The following PLOD1 variants were observed in gnomAD, a reference collection of about 807,000 sequenced individuals.
PLOD1 encodes the protein procollagen-lysine,2-oxoglutarate 5-dioxygenase 1.
Under a neutral mutation model 94.7 loss-of-function variants are expected in PLOD1, and 70 were observed. The ratio of observed to expected loss-of-function variants is 0.74; its 90% CI spans 0.61 to 0.90. The LOEUF (loss-of-function observed/expected upper bound fraction) is 0.90. Among genes scored for constraint, PLOD1 ranks in the 40% least tolerant of loss-of-function variants. The probability of loss-of-function intolerance (pLI) is 0.00; values close to 1 mark genes in which losing one functional copy is unlikely to be tolerated. For synonymous variants in PLOD1, 417 were observed against 400.2 expected (o/e 1.04, Z -0.50); for missense variants, 905 against 972.7 (o/e 0.93, Z 0.93).
At position 11,974,725 on chromosome 1, in the gene PLOD1, C is replaced by T. The variant is rs940721013; in HGVS notation, c.2101C>T (p.Pro701Ser). Reference sequence around the variant, plus strand: ...AAGGAAGGGCTGGACCCTCATGCACCCTGGACGACTCACGCATTACCATGA... The same window carrying T: ...AAGGAAGGGCTGGACCCTCATGCACTCTGGACGACTCACGCATTACCATGA... ...APRKGWTLMH[P>S]GRLTHYHEGL... The change falls in exon 19 of 19, where the codon CCT becomes TCT. Residue 701 changes from proline (P) to serine (S), a missense_variant. Transcript: ENST00000196061. 6.2e-7 allele frequency: 1 copy of T among 1,613,828 alleles called. No individual in the cohort carries two copies. Among genetic ancestry groups the T allele is most frequent in the Non-Finnish European group, 8.5e-7 (1 of 1,179,746 alleles).
intron 1 of PLOD1, among the ~76,000 whole-genome samples, chr1:11,938,700 C>CT (rs1282446579): frequency 6.6e-6 from 1 of 151,960 alleles, no homozygotes; most frequent in East Asian, 1.9e-4. Context: ...GCTGTGGAGT[C>CT]TCGGGGAGTG....
rs796969636 is a variant in PLOD1, at chr1:11,959,618, ATT to A, written c.975+987_975+988del. Reference sequence around the variant, plus strand: ...CCATCACAACTGGCTAATTTTTTGTATTTTTTTTTTTTTTTTTGAGACGGAGT... The same window carrying A: ...CCATCACAACTGGCTAATTTTTTGTATTTTTTTTTTTTTTTGAGACGGAGT... On this transcript the variant is annotated intron_variant, in intron 9 of 18. Transcript: ENST00000196061. Among the ~76,000 whole-genome samples, 74 of 93,068 alleles carry A rather than the reference ATT, an allele frequency of 8.0e-4. 2 individuals are homozygous for A. The highest frequency in any genetic ancestry group is 7.4e-3 in the Middle Eastern group (1 of 136). The allele number at this position is 93,068 out of a possible 152,430, so 61.1% of individuals were successfully genotyped here. A position where few individuals can be genotyped will look rare whatever the true frequency, so the allele number is the denominator to read the frequency against.
At chr1:11,939,423 T>C (rs1234998057) in intron 1 of PLOD1, among the ~76,000 whole-genome samples, 3 of 152,064 alleles carry the variant, frequency 2.0e-5, no homozygotes, top group African/African-American at 7.2e-5. Flanking sequence ...AGACTGGGTG[T>C]GTCATGACTG....
At chr1:11,961,459 T>C (rs1287722993) in intron 10 of PLOD1, among the ~76,000 whole-genome samples, 1 of 152,224 alleles carries the variant, frequency 6.6e-6, no homozygotes, top group Non-Finnish European at 1.5e-5. Flanking sequence ...GATCAAAGGT[T>C]GGCAAACTTC....
chr1:11,959,935 T>C (rs1349098733), intron 9 of PLOD1, among the ~76,000 whole-genome samples: 1 of 149,284 alleles, frequency 6.7e-6, no homozygotes, highest in African/African-American at 2.5e-5. Flanking sequence ...TTTTTCCTTT[T>C]TTTTTTTTTT....
Position 11,957,041 on chromosome 1 carries a change from T to C in PLOD1, c.741+27T>C. ...TAGGGGGTCCCCAGCCCCTGGGGAG[T>C]GTGGGAGGGGGCCAGAGCCCTAATT... On this transcript the variant is annotated intron_variant, in intron 7 of 18. Transcript: ENST00000196061. The surrounding 1 kb of genome is among the most constrained non-coding windows in gnomAD (Gnocchi z 4.1). 1 of 1,419,834 alleles carries C rather than the reference T, an allele frequency of 7.0e-7. No homozygotes were observed. Among genetic ancestry groups the C allele is most frequent in the Non-Finnish European group, 1.0e-6 (1 of 1,003,122 alleles). 88.0% of individuals were successfully genotyped at this position (1,419,834 alleles called of 1,614,324 possible).
intron 6 of PLOD1, 127 bp downstream of exon 6, chr1:11,955,020 C>A: frequency 1.4e-6 from 1 of 734,816 alleles, no homozygotes. Context: ...AGGTCACTGG[C>A]CTCATCCCCA....
intron 10 of PLOD1, among the ~76,000 whole-genome samples, chr1:11,962,608 A>G (rs983315896): frequency 4.6e-5 from 7 of 152,188 alleles, no homozygotes; most frequent in African/African-American, 7.2e-5. Context: ...ACTTAAAAAC[A>G]TAAAATCAGC....
intron 15 of PLOD1, among the ~76,000 whole-genome samples, chr1:11,966,627 G>A (rs947999652): frequency 6.6e-6 from 1 of 152,102 alleles, no homozygotes; most frequent in Non-Finnish European, 1.5e-5. Context: ...CAGGAAGGAG[G>A]AAAACATCCT....
intron 16 of PLOD1, among the ~76,000 whole-genome samples, chr1:11,968,277 A>T (rs1047205969): frequency 6.6e-6 from 1 of 150,994 alleles, no homozygotes; most frequent in South Asian, 2.1e-4. Flanking sequence ...TATTTTATTT[A>T]TTTTTTTTAT....
rs764003497 is a variant in PLOD1, at chr1:11,964,681, T to G, written c.1366T>G (p.Leu456Val). 2.5e-6 allele frequency: 4 copies of G among 1,613,364 alleles called. No homozygotes were observed. Among genetic ancestry groups the G allele is most frequent in the Non-Finnish European group, 3.4e-6 (4 of 1,179,946 alleles). ...WNVPYISNIY[L>V]IKGSALRGEL... The stretch of plus-strand genomic sequence containing the variant: ...TGTGCCCTATATTTCAAACATCTAC[T>G]TGATCAAGGGCAGTGCCCTGCGGGG... Residue 456 changes from leucine (L) to valine (V), a missense_variant, in exon 13 of 19, where the codon TTG becomes GTG. Leu to Val is a conservative substitution (Grantham distance 32). Transcript: ENST00000196061.
chr1:11,944,407 T>A, intron 1 of PLOD1: 1 of 429,280 alleles, frequency 2.3e-6, no homozygotes, highest in Non-Finnish European at 3.9e-6. Flanking sequence ...GAATCCTGAA[T>A]TGCGCATGCA....
At chr1:11,954,635 G>A (rs1557489853) in intron 5 of PLOD1, 195 bp from the exon 6 acceptor site, 3 of 770,424 alleles carry the variant, frequency 3.9e-6, no homozygotes, top group East Asian at 4.9e-5. Flanking sequence ...TGTGAGTAGA[G>A]CCACTAGACT....
At chr1:11,942,830 C>T (rs1347900041) in intron 1 of PLOD1, among the ~76,000 whole-genome samples, 2 of 152,236 alleles carry the variant, frequency 1.3e-5, no homozygotes, top group Admixed American at 1.3e-4. Flanking sequence ...GCCCTGGGGC[C>T]TAGGAGCCTG....
intron 16 of PLOD1, among the ~76,000 whole-genome samples, chr1:11,969,708 AG>A (rs1455115475): frequency 1.3e-5 from 2 of 152,218 alleles, no homozygotes; most frequent in African/African-American, 4.8e-5. Context: ...TCTGAGGCCC[AG>A]GATTCCATTC....
chr1:11,943,388 C>T (rs1194565589), intron 1 of PLOD1, among the ~76,000 whole-genome samples: 1 of 151,988 alleles, frequency 6.6e-6, no homozygotes, highest in East Asian at 1.9e-4. Context: ...CCGCCACCTC[C>T]CGGGTTCAAG....
At chr1:11,944,423 A>G in intron 1 of PLOD1, 1 of 148,408 alleles carries the variant, frequency 6.7e-6, no homozygotes, top group South Asian at 4.4e-5. Flanking sequence ...ATGCACGCGT[A>G]CACACACACA....
At chr1:11,944,686 AC>A (rs1378520237) in intron 1 of PLOD1, 1 of 1,310,968 alleles carries the variant, frequency 7.6e-7, no homozygotes, top group Non-Finnish European at 1.0e-6. Flanking sequence ...TCCTTCCCAC[AC>A]CTGCCTGGTG....
At chr1:11,973,543 G>T (rs1645881204) in intron 18 of PLOD1, among the ~76,000 whole-genome samples, 1 of 151,982 alleles carries the variant, frequency 6.6e-6, no homozygotes, top group Non-Finnish European at 1.5e-5. Context: ...CCCTGGGCTG[G>T]GTGCTGTGGA....
Sources: gnomAD v4.1 joint callset for allele counts (sites outside exome capture counted in the v4.1 genomes callset) on GRCh38, gnomAD v4.1.1 for gene constraint, Gnocchi (gnomAD v3.1) non-coding constraint, MANE v1.5 for transcripts, NCBI Gene and HGNC (gene_info 2026-07-23, HGNC 2026-07-21) for gene names.